The following EFHC1 variants were observed in gnomAD, a reference collection of about 807,000 sequenced individuals.
The protein encoded by EFHC1 is EF-hand domain containing 1.
In EFHC1, 53 loss-of-function variants were observed where a neutral mutation model predicts 69.9. That is an observed-to-expected ratio of 0.76 (90% CI 0.61 to 0.95). The LOEUF (loss-of-function observed/expected upper bound fraction) is 0.95. EFHC1 is among the 40% of genes least tolerant of loss of function. The pLI, the probability that EFHC1 is intolerant of heterozygous loss-of-function variation, is 0.00. For missense variants in EFHC1, 739 were observed against 798.7 expected (o/e 0.93, Z 0.90); for synonymous variants, 256 against 278.4 (o/e 0.92, Z 0.80).
chr6:52,480,794 T>C (rs1356618543), intron 9 of EFHC1, among the ~76,000 whole-genome samples: 1 of 152,036 alleles, frequency 6.6e-6, no homozygotes, highest in African/African-American at 2.4e-5. Flanking sequence ...TCAAGGAACA[T>C]TGGGAAGAAG....
intron 1 of EFHC1, among the ~76,000 whole-genome samples, chr6:52,421,939 A>C (rs1413222589): frequency 2.0e-5 from 3 of 152,366 alleles, no homozygotes; most frequent in Non-Finnish European, 4.4e-5. Flanking sequence ...TTGCTGTATT[A>C]CAAGTAAGAA....
At chr6:52,478,322 G>A (rs1458129681) in intron 7 of EFHC1, among the ~76,000 whole-genome samples, 2 of 152,050 alleles carry the variant, frequency 1.3e-5, no homozygotes, top group Non-Finnish European at 1.5e-5. Flanking sequence ...TATACCTAAT[G>A]CTAGATGACG....
intron 1 of EFHC1, among the ~76,000 whole-genome samples, chr6:52,423,128 C>G (rs1764226692): frequency 6.6e-6 from 1 of 152,120 alleles, no homozygotes; most frequent in Non-Finnish European, 1.5e-5. Flanking sequence ...TTATTGAGTT[C>G]AAGACTTTAA....
intron 5 of EFHC1, among the ~76,000 whole-genome samples, chr6:52,457,178 T>G (rs1280966612): frequency 6.6e-6 from 1 of 152,194 alleles, no homozygotes; most frequent in Non-Finnish European, 1.5e-5. Context: ...TCATTTCTAG[T>G]GTCATTAAGA....
At chr6:52,444,774 G>C (rs1234776885) in intron 3 of EFHC1, among the ~76,000 whole-genome samples, 1 of 152,162 alleles carries the variant, frequency 6.6e-6, no homozygotes, top group Non-Finnish European at 1.5e-5. Flanking sequence ...TCTCTGCCAG[G>C]TTTTGGTATC....
At chr6:52,488,684 C>T (rs1554262129) in intron 9 of EFHC1, 1 of 152,156 alleles carries the variant, frequency 6.6e-6, no homozygotes, top group Non-Finnish European at 1.5e-5. Context: ...AGGTAACTAC[C>T]TCTTTCATTT....
intron 9 of EFHC1, chr6:52,489,027 T>C (rs768176418): frequency 9.9e-5 from 15 of 152,252 alleles, no homozygotes; most frequent in Non-Finnish European, 2.9e-5. Context: ...GGACTTTTGC[T>C]TCATGTTTCC....
chr6:52,479,993 A>G, intron 9 of EFHC1: 2 of 800,150 alleles, frequency 2.5e-6, no homozygotes, highest in South Asian at 1.8e-5. Flanking sequence ...AATACAGTTG[A>G]CCCTTGAACA....
At chr6:52,432,161 T>G (rs746954743) in intron 2 of EFHC1, among the ~76,000 whole-genome samples, 1 of 152,218 alleles carries the variant, frequency 6.6e-6, no homozygotes, top group Non-Finnish European at 1.5e-5. Context: ...ATTCTGTATC[T>G]TTTAATTGGA....
At chr6:52,446,515 A>G (rs1445440774) in intron 3 of EFHC1, among the ~76,000 whole-genome samples, 1 of 152,040 alleles carries the variant, frequency 6.6e-6, no homozygotes, top group East Asian at 1.9e-4. Context: ...TCTTTATCCA[A>G]TTTGCCAGTC....
At chr6:52,461,458 T>C (rs1765164799) in intron 5 of EFHC1, among the ~76,000 whole-genome samples, 2 of 152,366 alleles carry the variant, frequency 1.3e-5, no homozygotes, top group South Asian at 4.1e-4. Flanking sequence ...ATTTTCTTTA[T>C]TCAATCTGTC....
intron 8 of EFHC1, among the ~76,000 whole-genome samples, 153 bp downstream of exon 8, chr6:52,479,403 G>A (rs377111751): frequency 2.0e-5 from 3 of 151,408 alleles, no homozygotes; most frequent in African/African-American, 7.2e-5. Context: ...TGTGTTAATC[G>A]CCTTCCTAAT....
intron 6 of EFHC1, 152 bp from the exon 7 acceptor site, chr6:52,469,181 A>G: frequency 1.0e-6 from 1 of 959,270 alleles, no homozygotes; most frequent in Non-Finnish European, 1.5e-6. Flanking sequence ...GGGATAAGTG[A>G]TATGTTATAT....
intron 7 of EFHC1, among the ~76,000 whole-genome samples, chr6:52,471,355 C>A (rs16882592): frequency 6.6e-6 from 1 of 152,104 alleles, no homozygotes; most frequent in East Asian, 1.9e-4. Flanking sequence ...TTATAATAAC[C>A]CCAGGTGACT....
At position 52,434,567 on chromosome 6, in the gene EFHC1, C is replaced by T. The variant is rs372109494; in HGVS notation, c.286-3737C>T. On this transcript the variant is annotated intron_variant, in intron 2 of 10. Coordinates refer to ENST00000371068, the MANE Select transcript of EFHC1 (RefSeq NM_018100.4). ...GGGTCCTACAAGAGCAATTTGCTTC[C>T]TTCAGAGGGTCTGTGGATTCTCTCT... Among the ~76,000 whole-genome samples the T allele has an allele frequency of 1.0e-3, 157 of 152,276 alleles. 1 individual carries two copies. Among genetic ancestry groups the T allele is most frequent in the African/African-American group, 3.4e-3 (142 of 41,562 alleles).
rs566399974 is a variant in EFHC1, at chr6:52,495,213, G to C, written c.*2872G>C. 245 of 454,096 alleles carry C rather than the reference G, an allele frequency of 5.4e-4. No homozygotes were observed. Among genetic ancestry groups the C allele is most frequent in the Non-Finnish European group, 9.1e-4 (207 of 226,790 alleles). 28.1% of individuals were successfully genotyped at this position (454,096 alleles called of 1,614,324 possible). A position where few individuals can be genotyped will look rare whatever the true frequency, so the allele number is the denominator to read the frequency against. ...GCTCTCTTGGCTGTGTAATTAGGCA[G>C]CTCAATCCCTTTCCTTTAGACTGTT... On this transcript the variant is annotated 3_prime_UTR_variant, in exon 11 of 11. Transcript: ENST00000371068.
intron 5 of EFHC1, among the ~76,000 whole-genome samples, chr6:52,460,259 A>G (rs1765135413): frequency 6.6e-6 from 1 of 152,248 alleles, no homozygotes; most frequent in South Asian, 2.1e-4. Flanking sequence ...TAACTATGCT[A>G]AGAGAATGAA....
At chr6:52,472,671 GAGATATGTAA>G (rs1765463832) in intron 7 of EFHC1, among the ~76,000 whole-genome samples, 16 of 138,580 alleles carry the variant, frequency 1.2e-4, no homozygotes, top group Middle Eastern at 3.9e-3. Context: ...TTACATACAA[GAGATATGTAA>G]TATCTTTTAC....
intron 9 of EFHC1, chr6:52,485,190 T>C (rs1025299777): frequency 1.3e-5 from 2 of 152,200 alleles, no homozygotes; most frequent in Non-Finnish European, 1.5e-5. Context: ...GCCCACTTCA[T>C]ATTCATAGTC....
Sources: allele counts gnomAD v4.1 joint callset (sites outside exome capture counted in the v4.1 genomes callset), GRCh38; gene constraint gnomAD v4.1.1; transcripts MANE v1.5; gene names NCBI Gene and HGNC (gene_info 2026-07-23, HGNC 2026-07-21).